ZGPAT: variants seen among roughly 807,000 people sequenced by gnomAD.
ZGPAT encodes zinc finger CCCH-type and G-patch domain containing.
A neutral mutation model predicts 47.9 loss-of-function variants in ZGPAT; 39 were observed. The observed-to-expected ratio is 0.81, with a 90% CI of 0.63 to 1.06. ZGPAT has a LOEUF of 1.06. Ranked by LOEUF, ZGPAT falls within the 50% of genes least tolerant of loss-of-function variation. The pLI, the probability that ZGPAT is intolerant of heterozygous loss-of-function variation, is 0.00. For missense variants in ZGPAT, 717 were observed against 681.4 expected (o/e 1.05, Z -0.58); for synonymous variants, 348 against 292.9 (o/e 1.19, Z -1.92).
chr20:63,731,917 C>A (rs1040763949), intron 2 of ZGPAT, among the ~76,000 whole-genome samples: 1 of 152,144 alleles, frequency 6.6e-6, no homozygotes, highest in South Asian at 2.1e-4. Context: ...ATTTAAAGTA[C>A]GTGGGAAGAT....
chr20:63,732,787 CATGT>C (rs1300222022), intron 2 of ZGPAT, among the ~76,000 whole-genome samples: 5 of 148,322 alleles, frequency 3.4e-5, no homozygotes, highest in African/African-American at 9.9e-5. Context: ...TGTGTGTATG[CATGT>C]GAGTGCATGT....
At chr20:63,717,516 T>A (rs2091743391) in intron 2 of ZGPAT, among the ~76,000 whole-genome samples, 1 of 152,110 alleles carries the variant, frequency 6.6e-6, no homozygotes, top group East Asian at 1.9e-4. Context: ...TGTAAGCATT[T>A]ACAGCTACAG....
At chr20:63,733,483 C>G in intron 3 of ZGPAT, 104 bp from the exon 4 acceptor site, 1 of 1,604,920 alleles carries the variant, frequency 6.2e-7, no homozygotes, top group East Asian at 2.2e-5. Context: ...ATGAGCACAC[C>G]TACCCTCAGC....
At chr20:63,710,725 A>G (rs1288848561) in intron 2 of ZGPAT, among the ~76,000 whole-genome samples, 1 of 152,208 alleles carries the variant, frequency 6.6e-6, no homozygotes, top group Non-Finnish European at 1.5e-5. Flanking sequence ...ACTGATTAGG[A>G]AATTACTTAA....
chr20:63,709,283 G>A (rs2091625556), intron 2 of ZGPAT, 119 bp downstream of exon 2: 2 of 1,096,818 alleles, frequency 1.8e-6, no homozygotes, highest in Admixed American at 1.9e-5. Flanking sequence ...TGGGGCAGGC[G>A]TGCTTTGACA....
chr20:63,710,976 G>C (rs903041258), intron 2 of ZGPAT, among the ~76,000 whole-genome samples: 7 of 151,482 alleles, frequency 4.6e-5, no homozygotes, highest in Admixed American at 1.3e-4. Flanking sequence ...CAATAGTTCA[G>C]GCTGACCGTG....
chr20:63,732,606 T>C (rs2091924779), intron 2 of ZGPAT, among the ~76,000 whole-genome samples: 1 of 127,222 alleles, frequency 7.9e-6, no homozygotes. Flanking sequence ...TATACGCGTG[T>C]CAGGGTCTCT....
intron 2 of ZGPAT, among the ~76,000 whole-genome samples, chr20:63,732,948 ATATGTGTATGTGTGAGTG>A (rs1022756789): frequency 1.6e-4 from 24 of 150,960 alleles, no homozygotes; most frequent in African/African-American, 5.9e-4. Context: ...AAGTGTGTAT[ATATGTGTATGTGTGAGTG>A]TATGTGTGCA....
chr20:63,726,901 C>A (rs772361078), intron 2 of ZGPAT, among the ~76,000 whole-genome samples: 1 of 152,152 alleles, frequency 6.6e-6, no homozygotes, highest in Non-Finnish European at 1.5e-5. Context: ...CACATATACT[C>A]CAGACCCCCA....
At chr20:63,730,612 G>A (rs1245667161) in intron 2 of ZGPAT, among the ~76,000 whole-genome samples, 1 of 152,160 alleles carries the variant, frequency 6.6e-6, no homozygotes, top group African/African-American at 2.4e-5. Flanking sequence ...AGCCTCCCGA[G>A]TAGGTGGGAC....
intron 2 of ZGPAT, among the ~76,000 whole-genome samples, chr20:63,713,642 G>A (rs1052285805): frequency 8.6e-5 from 13 of 151,604 alleles, no homozygotes; most frequent in African/African-American, 2.7e-4. Flanking sequence ...AGGCCAAGGC[G>A]GGTGGATCAC....
chr20:63,718,811 A>T (rs2091757979), intron 2 of ZGPAT, among the ~76,000 whole-genome samples: 1 of 151,888 alleles, frequency 6.6e-6, no homozygotes, highest in Non-Finnish European at 1.5e-5. Context: ...TCACGCCTGT[A>T]ATCCCAGCAC....
At chr20:63,729,529 C>T (rs951513432) in intron 2 of ZGPAT, among the ~76,000 whole-genome samples, 5 of 152,122 alleles carry the variant, frequency 3.3e-5, no homozygotes, top group Admixed American at 6.6e-5. Flanking sequence ...TGAAATCCAT[C>T]GTCTTTCTCC....
chr20:63,724,633 C>A (rs1011437991), intron 2 of ZGPAT, among the ~76,000 whole-genome samples: 2 of 149,596 alleles, frequency 1.3e-5, no homozygotes, highest in African/African-American at 4.9e-5. Flanking sequence ...GAGTTACTGT[C>A]TAGTGTCATT....
chr20:63,729,837 A>G (rs747753806), intron 2 of ZGPAT, among the ~76,000 whole-genome samples: 6 of 152,126 alleles, frequency 3.9e-5, no homozygotes, highest in East Asian at 1.9e-4. Flanking sequence ...CCTGGCCAAC[A>G]TGACAAGACC....
At chr20:63,710,620 C>T (rs1164467612) in intron 2 of ZGPAT, among the ~76,000 whole-genome samples, 3 of 152,146 alleles carry the variant, frequency 2.0e-5, no homozygotes, top group East Asian at 3.9e-4. Flanking sequence ...TTCTCCCTGC[C>T]CTATTTTTTT....
intron 2 of ZGPAT, among the ~76,000 whole-genome samples, chr20:63,721,326 T>C (rs140857650): frequency 0.054 from 8,094 of 149,684 alleles, 732 homozygotes; most frequent in African/African-American, 0.19. Flanking sequence ...CACTCCAGCC[T>C]GGGCAACAGA....
At chr20:63,724,874 A>G (rs2091827668) in intron 2 of ZGPAT, among the ~76,000 whole-genome samples, 1 of 151,284 alleles carries the variant, frequency 6.6e-6, no homozygotes, top group African/African-American at 2.4e-5. Flanking sequence ...ACAGGGTTTC[A>G]CTATGTTGGC....
At chr20:63,730,047 C>CACACACACACAA (rs1429442930) in intron 2 of ZGPAT, 1 of 152,034 alleles carries the variant, frequency 6.6e-6, no homozygotes, top group Admixed American at 6.6e-5. Flanking sequence ...CACACACACA[C>CACACACACACAA]AAAATAATAG....
Sources: allele counts gnomAD v4.1 joint callset (sites outside exome capture counted in the v4.1 genomes callset), GRCh38; gene constraint gnomAD v4.1.1; transcripts MANE v1.5; gene names NCBI Gene and HGNC (gene_info 2026-07-23, HGNC 2026-07-21).